ETS1: variants seen among roughly 807,000 people sequenced by gnomAD.
ETS1 encodes the protein ETS proto-oncogene 1, transcription factor.
ETS1 carries 15 observed loss-of-function variants against 58.6 expected under a neutral mutation model. The observed-to-expected ratio is 0.26, with a 90% confidence interval of 0.17 to 0.39. The LOEUF is 0.39. ETS1 is among the 10% of genes least tolerant of loss of function. ETS1 has a pLI of 1.00. For missense variants in ETS1, 417 were observed against 610.5 expected (o/e 0.68, Z 3.34); for synonymous variants, 214 against 218.2 (o/e 0.98, Z 0.17).
At chr11:128,580,824 C>A (rs1591679322) in intron 1 of ETS1, among the ~76,000 whole-genome samples, 1 of 152,144 alleles carries the variant, frequency 6.6e-6, no homozygotes, top group Admixed American at 6.5e-5. Flanking sequence ...TTCCGCCAAC[C>A]CTTGCTTAAA....
At chr11:128,582,258 C>T (rs915127947) in intron 1 of ETS1, among the ~76,000 whole-genome samples, 15 of 152,132 alleles carry the variant, frequency 9.9e-5, no homozygotes, top group African/African-American at 3.4e-4. Flanking sequence ...GCGTGTATGG[C>T]CATGAGCAAA....
At chr11:128,471,013 T>C (rs1485710437) in intron 8 of ETS1, among the ~76,000 whole-genome samples, 1 of 152,204 alleles carries the variant, frequency 6.6e-6, no homozygotes, top group East Asian at 1.9e-4. Flanking sequence ...TGGACTTAGA[T>C]CCTCTTTTCC....
At chr11:128,493,822 T>A (rs11604768) in intron 3 of ETS1, among the ~76,000 whole-genome samples, 3 of 152,172 alleles carry the variant, frequency 2.0e-5, no homozygotes, top group African/African-American at 7.2e-5. Flanking sequence ...CAAAAATGTA[T>A]ATTAAATAGA....
intron 3 of ETS1, among the ~76,000 whole-genome samples, chr11:128,538,693 G>C (rs575871222): frequency 3.3e-4 from 50 of 152,112 alleles, no homozygotes; most frequent in African/African-American, 1.2e-3. Flanking sequence ...CTGGCTAAAA[G>C]TGAAGAATGA....
intron 3 of ETS1, among the ~76,000 whole-genome samples, chr11:128,550,146 G>C (rs1211291541): frequency 1.3e-5 from 2 of 152,232 alleles, no homozygotes; most frequent in Non-Finnish European, 2.9e-5. Context: ...AGCCAAGGCC[G>C]AAGGCCTGTA....
rs775171430 is a variant in ETS1 at position 128,460,092 on chromosome 11, ACACACAC to A, written c.*2262_*2268del. ...TGCAAACACACACACACACACACAC[ACACACAC>A]ACACACACACACACACAACATTCAC... On this transcript the variant is annotated 3_prime_UTR_variant, in exon 10 of 10. Coordinates refer to ENST00000392668, the MANE Select transcript of ETS1 (RefSeq NM_001143820.2). The A allele has an allele frequency of 0.019, 2,948 of 151,456 alleles. 73 individuals carry two copies. Among genetic ancestry groups the A allele is most frequent in the East Asian group, 0.045 (238 of 5,252 alleles). 9.4% of individuals were successfully genotyped at this position (151,456 alleles called of 1,614,324 possible).
intron 1 of ETS1, among the ~76,000 whole-genome samples, chr11:128,575,037 A>C (rs1046552080): frequency 6.6e-6 from 1 of 152,184 alleles, no homozygotes; most frequent in Admixed American, 6.5e-5. Context: ...TTTCCTCCAA[A>C]AAAAGCCCCA....
intron 8 of ETS1, among the ~76,000 whole-genome samples, chr11:128,471,259 G>A (rs1207047524): frequency 6.6e-6 from 1 of 152,216 alleles, no homozygotes; most frequent in African/African-American, 2.4e-5. Flanking sequence ...CTGGCCAGTG[G>A]AGTCCTCCCA....
intron 1 of ETS1, among the ~76,000 whole-genome samples, chr11:128,586,267 C>T (rs139229497): frequency 1.3e-5 from 2 of 152,322 alleles, no homozygotes; most frequent in East Asian, 1.9e-4. Context: ...CTACTGAACA[C>T]ATGAAAAGAC....
chr11:128,485,096 A>C (rs531870236), intron 6 of ETS1, 25 bp from the exon 7 acceptor site: 1 of 1,599,836 alleles, frequency 6.3e-7, no homozygotes, highest in South Asian at 1.1e-5. Context: ...TTTGCAAGTA[A>C]AGAGAGGAGA....
Position 128,480,396 on chromosome 11 carries a change from A to G in ETS1, c.918T>C (p.Asp306=). The G allele has an allele frequency of 6.2e-7, 1 of 1,614,038 alleles. No homozygotes were observed. The highest frequency in any genetic ancestry group is 1.7e-5 in the Admixed American group (1 of 60,022). Residue 306 remains aspartate, a synonymous_variant, in exon 8 of 10, where the codon GAT becomes GAC. Coordinates refer to ENST00000392668, the MANE Select transcript of ETS1 (RefSeq NM_001143820.2). ...GGCTGCTCCAGGACTGGGTGAGGCG[A>G]TCACAACTATCGTAGCTCTCTATGC... ...FESIESYDSC[D]RLTQSWSSQS...
chr11:128,477,541 G>A (rs1002556878), intron 8 of ETS1, among the ~76,000 whole-genome samples: 1 of 152,066 alleles, frequency 6.6e-6, no homozygotes, highest in Non-Finnish European at 1.5e-5. Context: ...GGTTGGCGGG[G>A]GCACCATGAG....
At chr11:128,552,919 C>G (rs1260810085) in intron 3 of ETS1, among the ~76,000 whole-genome samples, 1 of 152,006 alleles carries the variant, frequency 6.6e-6, no homozygotes, top group Non-Finnish European at 1.5e-5. Context: ...GAGACAGGAG[C>G]AAGAAACTGA....
chr11:128,537,105 G>T (rs986572000), intron 3 of ETS1, among the ~76,000 whole-genome samples: 15 of 152,164 alleles, frequency 9.9e-5, no homozygotes, highest in Non-Finnish European at 1.9e-4. Context: ...ATCCAAGTCA[G>T]CTGTGCAAAA....
At chr11:128,462,850 A>G (rs1007347821) in intron 9 of ETS1, among the ~76,000 whole-genome samples, 1 of 152,242 alleles carries the variant, frequency 6.6e-6, no homozygotes. Flanking sequence ...GTGACTTTAA[A>G]AAACAAACAA....
chr11:128,525,750 C>A (rs1027003494), intron 3 of ETS1, among the ~76,000 whole-genome samples: 2 of 151,762 alleles, frequency 1.3e-5, no homozygotes, highest in African/African-American at 4.8e-5. Flanking sequence ...AAGCTTACTT[C>A]TAAGGCAAGT....
chr11:128,568,848 T>C (rs928040990), intron 2 of ETS1, among the ~76,000 whole-genome samples: 1 of 152,182 alleles, frequency 6.6e-6, no homozygotes, highest in African/African-American at 2.4e-5. Flanking sequence ...AATACTGACA[T>C]CCTATTTTCG....
At chr11:128,512,708 C>A (rs1863423149) in intron 3 of ETS1, among the ~76,000 whole-genome samples, 1 of 152,256 alleles carries the variant, frequency 6.6e-6, no homozygotes, top group Admixed American at 6.5e-5. Flanking sequence ...CTGGCCTTTC[C>A]CTCTGTGCAA....
At chr11:128,475,588 C>T (rs796259582) in intron 8 of ETS1, among the ~76,000 whole-genome samples, 4 of 134,068 alleles carry the variant, frequency 3.0e-5, no homozygotes, top group South Asian at 2.3e-4. Context: ...GACGGAGTCT[C>T]GCTCTGTCAC....
Sources: allele counts gnomAD v4.1 joint callset (sites outside exome capture counted in the v4.1 genomes callset), GRCh38; gene constraint gnomAD v4.1.1; transcripts MANE v1.5; gene names NCBI Gene and HGNC (gene_info 2026-07-23, HGNC 2026-07-21).